Variants in GATB observed in about 807,000 individuals in gnomAD.
The protein encoded by GATB is glutamyl-tRNA(Gln) amidotransferase subunit B, mitochondrial.
Under a neutral mutation model 62.3 loss-of-function variants are expected in GATB, and 39 were observed. The observed-to-expected ratio is 0.63, with a 90% CI of 0.48 to 0.82. The LOEUF is 0.82. Among genes scored for constraint, GATB ranks in the 40% least tolerant of loss-of-function variants. The pLI is 0.00. For synonymous variants in GATB, 276 were observed against 258.9 expected, an observed-to-expected ratio of 1.07 and a Z score of -0.63; for missense variants, 670 against 684.0, an observed-to-expected ratio of 0.98 and a Z score of 0.23.
chr4:151,728,410 C>A (rs1739179419), intron 2 of GATB, among the ~76,000 whole-genome samples: 1 of 152,152 alleles, frequency 6.6e-6, no homozygotes, highest in Non-Finnish European at 1.5e-5. Context: ...AACAAACAAT[C>A]AAAAATATTG....
chr4:151,701,931 A>G (rs1362159623), intron 8 of GATB, among the ~76,000 whole-genome samples: 1 of 152,258 alleles, frequency 6.6e-6, no homozygotes, highest in Non-Finnish European at 1.5e-5. Flanking sequence ...TGGATGGTAC[A>G]GCCTACTACA....
At chr4:151,749,735 G>A (rs552909593) in intron 2 of GATB, among the ~76,000 whole-genome samples, 1 of 152,274 alleles carries the variant, frequency 6.6e-6, no homozygotes, top group South Asian at 2.1e-4. Flanking sequence ...TCACACCTGG[G>A]AGCAGAGGGA....
Position 151,688,766 on chromosome 4 carries a change from GT to G in GATB, c.1198-4del. ...AACTCCAGTAGGCCGACTTCGTTCT[GT>G]TAAAAAAAAAAAAAGAAAATTACAT... On this transcript the variant is annotated splice_region_variant and splice_polypyrimidine_tract_variant and intron_variant, in intron 9 of 12. Transcript: ENST00000263985. The G allele has an allele frequency of 1.3e-6, 2 of 1,490,434 alleles. No individual in the cohort carries two copies. Among genetic ancestry groups the G allele is most frequent in the Non-Finnish European group, 1.8e-6 (2 of 1,137,550 alleles). 92.3% of individuals were successfully genotyped at this position (1,490,434 alleles called of 1,614,324 possible). A position where few individuals can be genotyped will look rare whatever the true frequency, so the allele number is the denominator to read the frequency against.
chr4:151,755,935 A>G (rs937352399), intron 2 of GATB, among the ~76,000 whole-genome samples: 3 of 152,338 alleles, frequency 2.0e-5, no homozygotes, highest in Non-Finnish European at 4.4e-5. Context: ...GACACAATAG[A>G]TATAGGTTTC....
intron 2 of GATB, among the ~76,000 whole-genome samples, chr4:151,732,205 C>T (rs569130298): frequency 2.0e-5 from 3 of 152,230 alleles, no homozygotes; most frequent in African/African-American, 7.2e-5. Flanking sequence ...CTGGCCACCA[C>T]CCCATCAGGG....
chr4:151,738,989 C>T (rs1415711904), intron 2 of GATB, among the ~76,000 whole-genome samples: 1 of 152,174 alleles, frequency 6.6e-6, no homozygotes, highest in Non-Finnish European at 1.5e-5. Context: ...TGACCTTGCT[C>T]ATTGGGATGG....
chr4:151,671,230 T>C lies in GATB; in HGVS notation c.1618A>G (p.Ser540Gly). The C allele has an allele frequency of 1.2e-6, 2 of 1,614,148 alleles. No individual in the cohort carries two copies. The highest frequency in any genetic ancestry group is 1.7e-6 in the Non-Finnish European group (2 of 1,180,012). ...LIGLVRKATQ[S>G]RADPVMIKEI... Reference sequence around the variant, plus strand: ...TTTATCATGACTGGATCTGCTCGGCTTTGAGTCGCTTTCCGGACCAACCCA... The same window carrying C: ...TTTATCATGACTGGATCTGCTCGGCCTTGAGTCGCTTTCCGGACCAACCCA... Residue 540 changes from serine to glycine, a missense_variant, in exon 13 of 13, where the codon AGC becomes GGC. Physicochemically the swap from Ser to Gly is moderately conservative, Grantham distance 56. Transcript: ENST00000263985.
At chr4:151,677,921 A>G (rs1207642708) in intron 11 of GATB, 1 of 152,192 alleles carries the variant, frequency 6.6e-6, no homozygotes, top group Non-Finnish European at 1.5e-5. Flanking sequence ...CTTTATTGCT[A>G]TCTTTCCTTC....
At chr4:151,756,634 C>G (rs1198423522) in intron 2 of GATB, among the ~76,000 whole-genome samples, 2 of 152,184 alleles carry the variant, frequency 1.3e-5, no homozygotes, top group Non-Finnish European at 2.9e-5. Flanking sequence ...CTTTGTCTGC[C>G]ATTTAATTAA....
At chr4:151,674,887 C>G (rs944814009) in intron 11 of GATB, 5 of 152,326 alleles carry the variant, frequency 3.3e-5, no homozygotes, top group African/African-American at 1.2e-4. Context: ...ACCAGGCGGA[C>G]GAGCAGCCTG....
chr4:151,722,776 C>G (rs1156493441), intron 2 of GATB: 1 of 152,516 alleles, frequency 6.6e-6, no homozygotes. Flanking sequence ...ATCCCTGGAG[C>G]CTAATACAGA....
intron 2 of GATB, chr4:151,723,198 T>C (rs1157136022): frequency 1.3e-5 from 2 of 152,180 alleles, no homozygotes; most frequent in Non-Finnish European, 2.9e-5. Context: ...CGAGTATTTA[T>C]TGTGCACTGA....
Position 151,688,343 on chromosome 4 carries a change from C to G in GATB, c.1331+287G>C, listed in dbSNP as rs574471523. On this transcript the variant is annotated intron_variant, in intron 10 of 12. Coordinates refer to ENST00000263985, the MANE Select transcript of GATB (RefSeq NM_004564.3). Reference sequence around the variant, plus strand: ...CTGGGGTGGCTGTTTCCTTACAGATCTGTATCCTCCACAAGTTTGTAAATG... The same window carrying G: ...CTGGGGTGGCTGTTTCCTTACAGATGTGTATCCTCCACAAGTTTGTAAATG... Among the ~76,000 whole-genome samples the G allele has an allele frequency of 1.1e-4, 16 of 152,328 alleles. No homozygotes were observed. In the South Asian group the frequency reaches 1.2e-3, roughly 12 times the overall value.
intron 2 of GATB, among the ~76,000 whole-genome samples, chr4:151,731,421 A>G (rs1380091738): frequency 1.3e-5 from 2 of 152,154 alleles, no homozygotes; most frequent in Admixed American, 6.5e-5. Context: ...TCAGTGCTCA[A>G]TGTTGCCCAG....
At chr4:151,712,664 A>G (rs1738840974) in intron 5 of GATB, among the ~76,000 whole-genome samples, 1 of 152,204 alleles carries the variant, frequency 6.6e-6, no homozygotes, top group South Asian at 2.1e-4. Context: ...AACAAATTTT[A>G]CTGAACGTAT....
At chr4:151,709,278 G>A (rs911317643) in intron 5 of GATB, among the ~76,000 whole-genome samples, 4 of 152,162 alleles carry the variant, frequency 2.6e-5, no homozygotes, top group Admixed American at 2.0e-4. Context: ...CCGGCGGCCC[G>A]TGGCTGACAC....
chr4:151,752,394 CTCTGTTT>C (rs1739738343), intron 2 of GATB, among the ~76,000 whole-genome samples: 1 of 152,092 alleles, frequency 6.6e-6, no homozygotes, highest in Non-Finnish European at 1.5e-5. Flanking sequence ...GTTTCCTTGA[CTCTGTTT>C]TCTATTTTTT....
intron 11 of GATB, chr4:151,677,899 GT>G (rs1165287140): frequency 1.3e-5 from 2 of 152,058 alleles, no homozygotes; most frequent in Non-Finnish European, 2.9e-5. Context: ...CATAACTTCA[GT>G]TTTTGAAAGT....
At chr4:151,715,976 G>C in intron 5 of GATB, 33 bp downstream of exon 5, 3 of 1,605,904 alleles carry the variant, frequency 1.9e-6, no homozygotes, top group African/African-American at 1.3e-5. Context: ...GGAAGGGAGA[G>C]GGAAAGAAGA....
Sources: allele counts gnomAD v4.1 joint callset (sites outside exome capture counted in the v4.1 genomes callset), GRCh38; gene constraint gnomAD v4.1.1; transcripts MANE v1.5; gene names NCBI Gene and HGNC (gene_info 2026-07-23, HGNC 2026-07-21).